ATG2B: variants seen among roughly 807,000 people sequenced by gnomAD.
The protein encoded by ATG2B is autophagy-related protein 2 homolog B.
Under a neutral mutation model 241.3 loss-of-function variants are expected in ATG2B, and 121 were observed. That is an observed-to-expected ratio of 0.50 (90% CI 0.43 to 0.58). The LOEUF (loss-of-function observed/expected upper bound fraction) is 0.58. Among genes scored for constraint, ATG2B ranks in the 20% least tolerant of loss-of-function variants. ATG2B has a pLI of 0.00. For missense variants in ATG2B, 2,306 were observed against 2,491.6 expected, an observed-to-expected ratio of 0.93 and a Z score of 1.59; for synonymous variants, 858 against 876.6, an observed-to-expected ratio of 0.98 and a Z score of 0.37.
intron 29 of ATG2B, among the ~76,000 whole-genome samples, chr14:96,308,239 T>TATATATAC (rs1566719605): frequency 1.1e-3 from 19 of 17,476 alleles, no homozygotes; most frequent in Admixed American, 2.1e-3. Context: ...TACATATATA[T>TATATATAC]ATATATATAT....
Position 96,316,570 on chromosome 14 carries a change from A to G in ATG2B, c.3324T>C (p.Ile1108=), listed in dbSNP as rs777591223. ...KYEGFDDKHY[I]CLHSSSFSLY... ...GACTGAAACTGCTAGAATGAAGGCAAATGTAGTGCTTGTCATCAAAACCTT... is the reference window on the plus strand; with the variant it reads ...GACTGAAACTGCTAGAATGAAGGCAGATGTAGTGCTTGTCATCAAAACCTT... Residue 1108 remains isoleucine (I), a synonymous_variant, in exon 21 of 42, where the codon ATT becomes ATC. Coordinates refer to ENST00000359933, the MANE Select transcript of ATG2B (RefSeq NM_018036.7). 6.8e-6 allele frequency: 11 copies of G among 1,613,646 alleles called. No homozygotes were observed. In the Admixed American group the frequency reaches 1.8e-4, roughly 27 times the overall value.
Position 96,313,558 on chromosome 14 carries a change from A to G in ATG2B, c.3643-123T>C, listed in dbSNP as rs1890914. On this transcript the variant is annotated intron_variant, in intron 23 of 41. Coordinates refer to ENST00000359933, the MANE Select transcript of ATG2B (RefSeq NM_018036.7). ...AAAATCATTTAATTGGAAAATCATA[A>G]CGGTAAAAGGAAAAAAATCATCATT... 0.36 allele frequency: 183,784 copies of G among 511,248 alleles called. 35,913 individuals are homozygous for G. The highest frequency in any genetic ancestry group is 0.42 in the Non-Finnish European group (123,386 of 292,200). The allele number at this position is 511,248 out of a possible 1,614,324, so 31.7% of individuals were successfully genotyped here. A position where few individuals can be genotyped will look rare whatever the true frequency, so the allele number is the denominator to read the frequency against.
intron 18 of ATG2B, among the ~76,000 whole-genome samples, chr14:96,319,903 C>G (rs888668569): frequency 6.6e-6 from 1 of 152,074 alleles, no homozygotes; most frequent in African/African-American, 2.4e-5. Flanking sequence ...GCAAAGGATG[C>G]AAACCCTGAG....
At chr14:96,332,810 G>A (rs997360327) in intron 8 of ATG2B, among the ~76,000 whole-genome samples, 155 bp from the exon 9 acceptor site, 33 of 152,074 alleles carry the variant, frequency 2.2e-4, no homozygotes, top group African/African-American at 7.7e-4. Context: ...TGTAATTTAT[G>A]AGTCCAAAAT....
chr14:96,322,494 CAG>C lies in ATG2B; in HGVS notation c.2736+44_2736+45del, dbSNP rs375816748. The C allele has an allele frequency of 3.2e-5, 49 of 1,531,188 alleles. No homozygotes were observed. The Middle Eastern group carries it at 5.8e-4, about 18-fold the overall frequency. The allele number at this position is 1,531,188 out of a possible 1,614,324, so 94.9% of individuals were successfully genotyped here. On this transcript the variant is annotated intron_variant, in intron 17 of 41. Transcript: ENST00000359933. Reference sequence around the variant, plus strand: ...AAAAATCAAAAGCATTGCTCTATGACAGAGAATAATAGTATTATTCCTTTGTA... The same window carrying C: ...AAAAATCAAAAGCATTGCTCTATGACAGAATAATAGTATTATTCCTTTGTA...
rs754696585 is a variant in ATG2B at position 96,345,341 on chromosome 14, T to C, written c.370A>G (p.Ser124Gly). The C allele has an allele frequency of 6.2e-7, 1 of 1,613,120 alleles. No homozygotes were observed. Among genetic ancestry groups the C allele is most frequent in the Non-Finnish European group, 8.5e-7 (1 of 1,179,486 alleles). ...AGACATTCTTTTGCCAATTGCATACTGCTGGTCATAAAACTTGACCAATAC... is the reference window on the plus strand; with the variant it reads ...AGACATTCTTTTGCCAATTGCATACCGCTGGTCATAAAACTTGACCAATAC... ...PMYWSSFMTS[S>G]MQLAKECLSQ... The change falls in exon 3 of 42, where the codon AGT becomes GGT. Residue 124 changes from serine (S) to glycine (G), a missense_variant. By Grantham distance (56) the Ser-to-Gly change is moderately conservative. Transcript: ENST00000359933.
chr14:96,304,552 T>C lies in ATG2B; in HGVS notation c.4785A>G (p.Thr1595=), dbSNP rs1886879758. The change falls in exon 32 of 42, where the codon ACA becomes ACG. Residue 1595 remains threonine, a synonymous_variant. Transcript: ENST00000359933. The part of the protein sequence containing the change: ...SHTPTRHGRN[T]VCGGKGRNHD... ...GGTTCCTTCCTTTTCCCCCACATAC[T>C]GTATTACGTCCATGTCTCGTGGGTG... 1.9e-6 allele frequency: 3 copies of C among 1,612,770 alleles called. No individual in the cohort carries two copies. The highest frequency in any genetic ancestry group is 1.3e-5 in the African/African-American group (1 of 74,630).
intron 25 of ATG2B, among the ~76,000 whole-genome samples, chr14:96,312,622 C>T (rs1467205107): frequency 2.0e-5 from 3 of 152,112 alleles, no homozygotes; most frequent in African/African-American, 4.8e-5. Flanking sequence ...TAGAGGCACA[C>T]GTCTATAGTC....
At chr14:96,335,597 GGATTTT>G (rs1483326108) in intron 6 of ATG2B, among the ~76,000 whole-genome samples, 1 of 152,098 alleles carries the variant, frequency 6.6e-6, no homozygotes, top group Non-Finnish European at 1.5e-5. Context: ...ATCCAGAGCT[GGATTTT>G]CACCTAGGCT....
intron 1 of ATG2B, among the ~76,000 whole-genome samples, chr14:96,350,542 G>C (rs1005599087): frequency 2.0e-5 from 3 of 152,160 alleles, no homozygotes; most frequent in Non-Finnish European, 4.4e-5. Context: ...ACTACAACAG[G>C]AGACAGACAG....
At chr14:96,301,275 G>A (rs942956543) in intron 34 of ATG2B, among the ~76,000 whole-genome samples, 1 of 150,226 alleles carries the variant, frequency 6.7e-6, no homozygotes, top group Non-Finnish European at 1.5e-5. Flanking sequence ...CTAAGGCTTG[G>A]AGATGTTCAG....
At chr14:96,302,887 T>G (rs1886830552) in intron 33 of ATG2B, among the ~76,000 whole-genome samples, 174 bp downstream of exon 33, 1 of 152,202 alleles carries the variant, frequency 6.6e-6, no homozygotes, top group South Asian at 2.1e-4. Flanking sequence ...AGAAGTGACA[T>G]GCAAAATAAT....
At chr14:96,357,866 C>T (rs935525872) in intron 1 of ATG2B, among the ~76,000 whole-genome samples, 1 of 152,134 alleles carries the variant, frequency 6.6e-6, no homozygotes, top group Admixed American at 6.5e-5. Flanking sequence ...TTACTTCATA[C>T]CTCATATATT....
chr14:96,295,786 T>C (rs1466806836), intron 34 of ATG2B, among the ~76,000 whole-genome samples: 6 of 148,712 alleles, frequency 4.0e-5, no homozygotes, highest in African/African-American at 1.2e-4. Flanking sequence ...CTCATAACTT[T>C]ATGAGGAAAT....
intron 1 of ATG2B, among the ~76,000 whole-genome samples, chr14:96,353,842 A>G (rs1888400911): frequency 1.3e-5 from 2 of 152,110 alleles, no homozygotes; most frequent in Non-Finnish European, 2.9e-5. Context: ...GGAATCTTGC[A>G]AAGTAAAATG....
chr14:96,329,565 A>C lies in ATG2B; in HGVS notation c.1800T>G (p.Thr600=), dbSNP rs1425134642. The C allele has an allele frequency of 6.8e-6, 11 of 1,611,278 alleles. No homozygotes were observed. The highest frequency in any genetic ancestry group is 8.5e-6 in the Non-Finnish European group (10 of 1,177,628). Residue 600 remains threonine, a synonymous_variant, in exon 12 of 42, where the codon ACT becomes ACG. Transcript: ENST00000359933. ...RQRSASRYFS[T]DMSIGQMEFL... Reference sequence around the variant, plus strand: ...ATTCCATTTGCCCAATGGACATATCAGTACTAAAATATCGGGAAGCTGATC... The same window carrying C: ...ATTCCATTTGCCCAATGGACATATCCGTACTAAAATATCGGGAAGCTGATC...
At chr14:96,316,451 CT>C in intron 21 of ATG2B, 81 bp downstream of exon 21, 1 of 1,379,220 alleles carries the variant, frequency 7.3e-7, no homozygotes, top group Non-Finnish European at 1.0e-6. Context: ...TACCAAAGTT[CT>C]GTTCTCAATA....
chr14:96,290,791 G>C lies in ATG2B; in HGVS notation c.5701+23C>G, dbSNP rs762289589. On this transcript the variant is annotated intron_variant, in intron 39 of 41. Coordinates refer to ENST00000359933, the MANE Select transcript of ATG2B (RefSeq NM_018036.7). This position sits in a 1 kb window ranked among gnomAD's most constrained non-coding sequence, Gnocchi z 4.4. ...CATCTGAAAAAATAACTTATCTTTT[G>C]ATTAAAAAAGAAGAAAACTCACCTA... 4.4e-6 allele frequency: 7 copies of C among 1,591,170 alleles called. No homozygotes were observed. In the East Asian group the frequency reaches 1.3e-4, roughly 30 times the overall value.
chr14:96,295,254 T>C, intron 35 of ATG2B, 87 bp from the exon 36 acceptor site: 1 of 1,243,306 alleles, frequency 8.0e-7, no homozygotes, highest in Non-Finnish European at 1.1e-6. Context: ...TTTGTTTTTC[T>C]ACATTTTATT....
Sources: gnomAD v4.1 joint callset for allele counts (sites outside exome capture counted in the v4.1 genomes callset) on GRCh38, gnomAD v4.1.1 for gene constraint, Gnocchi (gnomAD v3.1) non-coding constraint, MANE v1.5 for transcripts, NCBI Gene and HGNC (gene_info 2026-07-23, HGNC 2026-07-21) for gene names.